The following COX7B2 variants were observed in gnomAD, a reference collection of about 807,000 sequenced individuals.
COX7B2 encodes the protein cytochrome c oxidase subunit 7B2.
For missense variants in COX7B2, 109 were observed against 95.9 expected (o/e 1.14, Z -0.57); for synonymous variants, 37 against 32.1 (o/e 1.15, Z -0.51).
chr4:46,784,161 G>T (rs1179072373), intron 2 of COX7B2, among the ~76,000 whole-genome samples: 2 of 152,114 alleles, frequency 1.3e-5, no homozygotes, highest in African/African-American at 4.8e-5. Context: ...TGGAATAAGA[G>T]AGGGGCAAAA....
At chr4:46,901,470 A>G (rs999041394) in intron 1 of COX7B2, among the ~76,000 whole-genome samples, 3 of 152,262 alleles carry the variant, frequency 2.0e-5, no homozygotes, top group African/African-American at 7.2e-5. Flanking sequence ...AGATGAGATC[A>G]ATATATTACC....
chr4:46,881,991 G>C (rs557436584), intron 1 of COX7B2, among the ~76,000 whole-genome samples: 1 of 152,188 alleles, frequency 6.6e-6, no homozygotes, highest in African/African-American at 2.4e-5. Context: ...CTGCTACGTT[G>C]TATCTTTGTT....
At position 46,902,793 on chromosome 4, in the gene COX7B2, C is replaced by T. The variant is rs1720147130; in HGVS notation, c.-105+6367G>A. Among the ~76,000 whole-genome samples, 2 of 152,186 alleles carry T rather than the reference C, an allele frequency of 1.3e-5. 1 individual carries two copies. The highest frequency in any genetic ancestry group is 2.9e-5 in the Non-Finnish European group (2 of 68,036). On this transcript the variant is annotated intron_variant, in intron 1 of 2. Transcript: ENST00000355591. ...TCGGGAGGCTGAGGCACAAGAATCA[C>T]TTGAACCTGGGAGGCAGAGGTTGCA...
At chr4:46,837,274 T>TACAC (rs33927124) in intron 2 of COX7B2, among the ~76,000 whole-genome samples, 4,855 of 133,272 alleles carry the variant, frequency 0.036, 100 homozygotes, top group South Asian at 0.055. Context: ...CACAAAGACA[T>TACAC]ACACACACAC....
At chr4:46,831,354 G>A (rs1488123550) in intron 2 of COX7B2, among the ~76,000 whole-genome samples, 1 of 152,130 alleles carries the variant, frequency 6.6e-6, no homozygotes, top group African/African-American at 2.4e-5. Context: ...CTCCTGTGCG[G>A]CCCGAGCCTC....
chr4:46,895,113 T>C (rs2109880853), intron 1 of COX7B2, among the ~76,000 whole-genome samples: 1 of 152,170 alleles, frequency 6.6e-6, no homozygotes, highest in East Asian at 1.9e-4. Context: ...GAACTAACAT[T>C]TGACCCAGCA....
chr4:46,884,745 T>C (rs368696335), intron 1 of COX7B2, among the ~76,000 whole-genome samples: 1 of 152,270 alleles, frequency 6.6e-6, no homozygotes, highest in East Asian at 1.9e-4. Flanking sequence ...TCTTTTTGAA[T>C]GTTGTCCTTG....
At position 46,903,365 on chromosome 4, in the gene COX7B2, A is replaced by G. The variant is rs149751691; in HGVS notation, c.-105+5795T>C. On this transcript the variant is annotated intron_variant, in intron 1 of 2. Coordinates refer to ENST00000355591, the MANE Select transcript of COX7B2 (RefSeq NM_130902.3). ...GTGCCACATAACAACATTTCGGTCA[A>G]TGATGGACTGTCCTATAATATTAAA... is the stretch of plus-strand genomic sequence containing the variant. Among the ~76,000 whole-genome samples the G allele has an allele frequency of 1.5e-3, 227 of 152,300 alleles. 2 individuals are homozygous for G. Among genetic ancestry groups the G allele is most frequent in the African/African-American group, 5.2e-3 (217 of 41,572 alleles).
intron 1 of COX7B2, among the ~76,000 whole-genome samples, chr4:46,882,817 A>T (rs1327899653): frequency 6.6e-6 from 1 of 152,074 alleles, no homozygotes; most frequent in Non-Finnish European, 1.5e-5. Flanking sequence ...TATTTATTAA[A>T]TTTTTTTCAT....
chr4:46,764,242 G>A (rs1201507481), intron 2 of COX7B2, among the ~76,000 whole-genome samples: 1 of 152,092 alleles, frequency 6.6e-6, no homozygotes, highest in Admixed American at 6.6e-5. Flanking sequence ...TTTATTTAGA[G>A]ATATAAGAAG....
intron 1 of COX7B2, among the ~76,000 whole-genome samples, chr4:46,847,916 C>A (rs1159153954): frequency 6.6e-6 from 1 of 151,918 alleles, no homozygotes; most frequent in Non-Finnish European, 1.5e-5. Flanking sequence ...TCTATTTTAC[C>A]CCCTCTTAGC....
At chr4:46,878,036 C>T (rs574634885) in intron 1 of COX7B2, among the ~76,000 whole-genome samples, 2 of 151,702 alleles carry the variant, frequency 1.3e-5, no homozygotes, top group African/African-American at 2.4e-5. Flanking sequence ...CACACACACA[C>T]ACACACAAAG....
At chr4:46,821,270 T>C (rs762758023) in intron 2 of COX7B2, among the ~76,000 whole-genome samples, 2 of 152,174 alleles carry the variant, frequency 1.3e-5, no homozygotes, top group African/African-American at 2.4e-5. Flanking sequence ...AAAGAAAATA[T>C]TGTTAGATAG....
rs112030486 is a variant in COX7B2 at position 46,851,250 on chromosome 4, G to T, written c.-104-6236C>A. 5.4e-3 allele frequency among the ~76,000 whole-genome samples: 821 copies of T among 152,060 alleles called. 7 individuals are homozygous for T. The highest frequency in any genetic ancestry group is 0.018 in the African/African-American group (762 of 41,518). On this transcript the variant is annotated intron_variant, in intron 1 of 2. Coordinates refer to ENST00000355591, the MANE Select transcript of COX7B2 (RefSeq NM_130902.3). ...TTTGAGAGGAACCAGAAAAGATAAA[G>T]AAATTGCATATCTAAGATAAGCAAA...
In COX7B2 at chr4:46,818,031, C is replaced by T. The variant is rs192606619; in HGVS notation, c.-50+26929G>A. On this transcript the variant is annotated intron_variant, in intron 2 of 2. Transcript: ENST00000355591. ...TTCTTCCCAAAATACTATGCAGAGG[C>T]TTCCAGTGAGTCTTATTATGCTCAT... 6.0e-4 allele frequency among the ~76,000 whole-genome samples: 91 copies of T among 152,306 alleles called. 2 individuals carry two copies. Among genetic ancestry groups the T allele is most frequent in the Non-Finnish European group, 1.3e-4 (9 of 68,028 alleles).
At chr4:46,888,099 C>T (rs891421060) in intron 1 of COX7B2, among the ~76,000 whole-genome samples, 10 of 152,274 alleles carry the variant, frequency 6.6e-5, no homozygotes, top group African/African-American at 2.2e-4. Flanking sequence ...AGCAATAACT[C>T]GCATGGTGTG....
intron 1 of COX7B2, among the ~76,000 whole-genome samples, chr4:46,905,540 G>A (rs1271667522): frequency 6.6e-6 from 1 of 152,126 alleles, no homozygotes; most frequent in Non-Finnish European, 1.5e-5. Context: ...TGACATTAAC[G>A]ATTCATCCTA....
intron 2 of COX7B2, among the ~76,000 whole-genome samples, chr4:46,784,555 G>A (rs1051175220): frequency 2.6e-5 from 4 of 152,132 alleles, no homozygotes; most frequent in Non-Finnish European, 4.4e-5. Flanking sequence ...AACCCGGGAG[G>A]CGGAGGTTGC....
intron 2 of COX7B2, among the ~76,000 whole-genome samples, chr4:46,757,979 G>T (rs1000821032): frequency 1.3e-5 from 2 of 151,866 alleles, no homozygotes; most frequent in African/African-American, 4.8e-5. Context: ...AAGCTTGCAG[G>T]CCTCCAAGCA....
Sources: gnomAD v4.1 joint callset for allele counts (sites outside exome capture counted in the v4.1 genomes callset) on GRCh38, gnomAD v4.1.1 for gene constraint, MANE v1.5 for transcripts, NCBI Gene and HGNC (gene_info 2026-07-23, HGNC 2026-07-21) for gene names.